UBE2E2: variants seen among roughly 807,000 people sequenced by gnomAD.
The protein encoded by UBE2E2 is ubiquitin conjugating enzyme E2 E2, also known as ubiquitin-conjugating enzyme E2 E2.
Under a neutral mutation model 24.7 loss-of-function variants are expected in UBE2E2, and 6 were observed. The observed-to-expected ratio is 0.24, with a 90% CI of 0.13 to 0.48. The LOEUF is 0.48. UBE2E2 is among the 20% of genes least tolerant of loss of function. The pLI is 0.99. For missense variants in UBE2E2, 169 were observed against 245.0 expected (o/e 0.69, Z 2.07); for synonymous variants, 104 against 83.6 (o/e 1.24, Z -1.33).
chr3:23,225,564 A>G (rs1481480664), intron 3 of UBE2E2, among the ~76,000 whole-genome samples: 3 of 152,136 alleles, frequency 2.0e-5, no homozygotes, highest in Non-Finnish European at 4.4e-5. Flanking sequence ...TATTTTTTAC[A>G]CTGAATTGTC....
chr3:23,461,553 T>A (rs1698805202), intron 3 of UBE2E2, among the ~76,000 whole-genome samples: 1 of 152,202 alleles, frequency 6.6e-6, no homozygotes, highest in African/African-American at 2.4e-5. Flanking sequence ...AGATACCTAC[T>A]TCTAGACCAT....
At chr3:23,289,105 A>T (rs940126113) in intron 3 of UBE2E2, among the ~76,000 whole-genome samples, 1 of 152,156 alleles carries the variant, frequency 6.6e-6, no homozygotes, top group Non-Finnish European at 1.5e-5. Context: ...TGCAGGGAGG[A>T]CAATTGGTGG....
chr3:23,323,740 C>A (rs1479029914), intron 3 of UBE2E2, among the ~76,000 whole-genome samples: 1 of 152,040 alleles, frequency 6.6e-6, no homozygotes, highest in Non-Finnish European at 1.5e-5. Context: ...AAACTCCTGT[C>A]CTTATTTTAG....
At chr3:23,345,431 A>G (rs1169198190) in intron 3 of UBE2E2, among the ~76,000 whole-genome samples, 1 of 152,204 alleles carries the variant, frequency 6.6e-6, no homozygotes. Flanking sequence ...TAATTTTGTT[A>G]CTTATTATTT....
intron 3 of UBE2E2, among the ~76,000 whole-genome samples, chr3:23,315,209 G>C (rs767216713): frequency 2.0e-5 from 3 of 151,916 alleles, no homozygotes; most frequent in Non-Finnish European, 4.4e-5. Flanking sequence ...TCCCCAGGCA[G>C]AGGAGTTTGT....
intron 3 of UBE2E2, among the ~76,000 whole-genome samples, chr3:23,353,690 G>A (rs900931252): frequency 1.3e-5 from 2 of 151,890 alleles, no homozygotes; most frequent in Non-Finnish European, 2.9e-5. Flanking sequence ...GGATGTGAAG[G>A]ACCGCTTCAA....
intron 3 of UBE2E2, among the ~76,000 whole-genome samples, chr3:23,437,962 A>G (rs1698219477): frequency 6.6e-6 from 1 of 152,218 alleles, no homozygotes; most frequent in South Asian, 2.1e-4. Flanking sequence ...CAGTGACTAC[A>G]AAGATCAGTT....
At chr3:23,363,171 CTG>C (rs1431541843) in intron 3 of UBE2E2, among the ~76,000 whole-genome samples, 1 of 152,196 alleles carries the variant, frequency 6.6e-6, no homozygotes, top group Non-Finnish European at 1.5e-5. Context: ...AAAGGAAAGA[CTG>C]TGTTACCAAC....
intron 3 of UBE2E2, among the ~76,000 whole-genome samples, chr3:23,457,434 A>T (rs778478): frequency 0.99 from 151,467 of 152,326 alleles, 75,315 homozygotes; most frequent in Middle Eastern, 1. Context: ...GAAAATCTAG[A>T]CTTAAATAGC....
At chr3:23,354,348 C>T (rs570029494) in intron 3 of UBE2E2, among the ~76,000 whole-genome samples, 6,895 of 152,208 alleles carry the variant, frequency 0.045, 539 homozygotes, top group African/African-American at 0.16. Flanking sequence ...ATGTCTAAAA[C>T]ACCAAAAGCA....
At chr3:23,394,915 A>C (rs1697039088) in intron 3 of UBE2E2, among the ~76,000 whole-genome samples, 2 of 152,174 alleles carry the variant, frequency 1.3e-5, no homozygotes, top group Non-Finnish European at 2.9e-5. Context: ...CCAGCCTCTA[A>C]ATCAGCAAAG....
intron 4 of UBE2E2, among the ~76,000 whole-genome samples, chr3:23,525,850 A>C (rs1481086707): frequency 6.6e-6 from 1 of 152,212 alleles, no homozygotes; most frequent in Non-Finnish European, 1.5e-5. Flanking sequence ...TTGTAGGTTA[A>C]GGGTGGGAAG....
At chr3:23,285,757 CA>C (rs1352015063) in intron 3 of UBE2E2, among the ~76,000 whole-genome samples, 1 of 152,144 alleles carries the variant, frequency 6.6e-6, no homozygotes, top group Non-Finnish European at 1.5e-5. Flanking sequence ...GGCAGGTGTG[CA>C]GTGGCTCTCA....
intron 5 of UBE2E2, among the ~76,000 whole-genome samples, chr3:23,534,874 GT>G (rs1695213940): frequency 6.6e-6 from 1 of 152,166 alleles, no homozygotes; most frequent in Admixed American, 6.5e-5. Context: ...CGGAAATGCT[GT>G]CACCTCAAAA....
At chr3:23,349,916 C>T (rs541572579) in intron 3 of UBE2E2, among the ~76,000 whole-genome samples, 62 of 152,286 alleles carry the variant, frequency 4.1e-4, no homozygotes, top group South Asian at 1.9e-3. Context: ...GATCTGAGAA[C>T]GGGCAGACTG....
chr3:23,433,986 T>C (rs953203158), intron 3 of UBE2E2, among the ~76,000 whole-genome samples: 8 of 152,092 alleles, frequency 5.3e-5, no homozygotes, highest in African/African-American at 1.9e-4. Flanking sequence ...ATTTATAATA[T>C]AGTGAAACCC....
intron 3 of UBE2E2, among the ~76,000 whole-genome samples, chr3:23,333,785 A>T (rs1402608073): frequency 6.6e-6 from 1 of 152,174 alleles, no homozygotes; most frequent in Non-Finnish European, 1.5e-5. Context: ...TCTGAGAGAT[A>T]TATCTGATAT....
intron 3 of UBE2E2, among the ~76,000 whole-genome samples, chr3:23,371,975 G>A (rs78053050): frequency 8.6e-5 from 13 of 151,560 alleles, no homozygotes; most frequent in Admixed American, 3.3e-4. Context: ...AAAATTAGCC[G>A]GCTGTGGTGG....
intron 3 of UBE2E2, among the ~76,000 whole-genome samples, chr3:23,309,616 C>A (rs1031517823): frequency 6.6e-6 from 1 of 152,074 alleles, no homozygotes; most frequent in Non-Finnish European, 1.5e-5. Flanking sequence ...ACGTCTTTCA[C>A]ATTGTATACT....
Sources: allele counts gnomAD v4.1 joint callset (sites outside exome capture counted in the v4.1 genomes callset), GRCh38; gene constraint gnomAD v4.1.1; transcripts MANE v1.5; gene names NCBI Gene and HGNC (gene_info 2026-07-23, HGNC 2026-07-21).